EIF4G3: variants seen among roughly 807,000 people sequenced by gnomAD.
EIF4G3 encodes the protein eukaryotic translation initiation factor 4 gamma 3.
A neutral mutation model predicts 186.4 loss-of-function variants in EIF4G3; 34 were observed. The ratio of observed to expected loss-of-function variants is 0.18; its 90% confidence interval spans 0.14 to 0.24. The LOEUF is 0.24. Among genes scored for constraint, EIF4G3 ranks in the 10% least tolerant of loss-of-function variants. The pLI is 1.00. For synonymous variants in EIF4G3, 673 were observed against 679.5 expected (o/e 0.99, Z 0.15); for missense variants, 1,536 against 1,948.5 (o/e 0.79, Z 3.99).
At chr1:20,948,316 A>G (rs2096059388) in intron 13 of EIF4G3, among the ~76,000 whole-genome samples, 1 of 152,206 alleles carries the variant, frequency 6.6e-6, no homozygotes, top group Non-Finnish European at 1.5e-5. Context: ...CGCAAGGTAA[A>G]TGGCTTTACT....
chr1:20,879,673 TA>T (rs1227070032), intron 19 of EIF4G3, among the ~76,000 whole-genome samples, 153 bp from the exon 20 acceptor site: 1 of 152,182 alleles, frequency 6.6e-6, no homozygotes, highest in African/African-American at 2.4e-5. Flanking sequence ...TAAACTAATC[TA>T]TTTTAACAAA....
intron 13 of EIF4G3, among the ~76,000 whole-genome samples, chr1:20,944,045 T>TGTGTGTGTGTGTGTGTGTGTGTGTG (rs1330741119): frequency 6.9e-6 from 1 of 143,970 alleles, no homozygotes; most frequent in African/African-American, 2.6e-5. Context: ...TGTGTGTATG[T>TGTGTGTGTGTGTGTGTGTGTGTGTG]TCGTTCTAGA....
At chr1:21,101,590 C>CAAAAAAAAAAAAAAAAG in intron 2 of EIF4G3, among the ~76,000 whole-genome samples, 1 of 17,854 alleles carries the variant, frequency 5.6e-5, no homozygotes, top group Non-Finnish European at 1.5e-4. Flanking sequence ...AAAAAAAAAC[C>CAAAAAAAAAAAAAAAAG]GAGGGAGGGA....
At position 20,860,666 on chromosome 1, in the gene EIF4G3, T is replaced by C. The variant is rs1020871972; in HGVS notation, c.3112-149A>G. The C allele has an allele frequency of 6.4e-6, 6 of 933,298 alleles. No homozygotes were observed. The East Asian group carries it at 1.1e-4, about 16-fold the overall frequency. 57.8% of individuals were successfully genotyped at this position (933,298 alleles called of 1,614,324 possible). ...CTCATGTATCTTATAGATGACACTA[T>C]GAGCAGTTTAGGATTAGAGCTGAAG... On this transcript the variant is annotated intron_variant, in intron 23 of 36. Coordinates refer to ENST00000602326, the MANE Select transcript of EIF4G3 (RefSeq NM_001391906.1).
At chr1:21,089,513 A>T (rs994089939) in intron 2 of EIF4G3, among the ~76,000 whole-genome samples, 1 of 152,264 alleles carries the variant, frequency 6.6e-6, no homozygotes, top group Non-Finnish European at 1.5e-5. Context: ...TGTACTAAAA[A>T]TAACTGGCTG....
At chr1:21,111,231 A>G (rs1241122224) in intron 2 of EIF4G3, 1 of 454,128 alleles carries the variant, frequency 2.2e-6, no homozygotes. Context: ...CACATTCCTG[A>G]GTACTAACAA....
chr1:21,072,369 A>G (rs186438510), intron 3 of EIF4G3, among the ~76,000 whole-genome samples: 39 of 152,270 alleles, frequency 2.6e-4, no homozygotes. Context: ...TCCCATGTCT[A>G]TACAGAAAAA....
chr1:20,912,900 T>A (rs2093415419), intron 14 of EIF4G3, among the ~76,000 whole-genome samples: 1 of 152,162 alleles, frequency 6.6e-6, no homozygotes, highest in Non-Finnish European at 1.5e-5. Flanking sequence ...TAGGAAAATA[T>A]GATGATTTAT....
At chr1:20,862,714 A>G (rs1188454004) in intron 22 of EIF4G3, among the ~76,000 whole-genome samples, 1 of 152,170 alleles carries the variant, frequency 6.6e-6, no homozygotes, top group African/African-American at 2.4e-5. Context: ...CGTCCAGCCC[A>G]TGTAGTTTTC....
At chr1:20,999,770 G>C (rs1306849811) in intron 6 of EIF4G3, 1 of 445,392 alleles carries the variant, frequency 2.2e-6, no homozygotes, top group Non-Finnish European at 4.5e-6. Context: ...TAATCCTATG[G>C]GTAGCTGTAA....
At chr1:21,001,784 C>T (rs1024081886) in intron 5 of EIF4G3, among the ~76,000 whole-genome samples, 1 of 152,178 alleles carries the variant, frequency 6.6e-6, no homozygotes, top group African/African-American at 2.4e-5. Flanking sequence ...TTGGTGCAGT[C>T]TATGCTCTCC....
At chr1:20,950,523 A>T (rs1430795688) in intron 12 of EIF4G3, among the ~76,000 whole-genome samples, 1 of 152,200 alleles carries the variant, frequency 6.6e-6, no homozygotes, top group Non-Finnish European at 1.5e-5. Flanking sequence ...TACCTAGCAA[A>T]GCAGGACAAA....
chr1:21,061,352 G>A (rs2094903410), intron 3 of EIF4G3, among the ~76,000 whole-genome samples: 2 of 152,124 alleles, frequency 1.3e-5, no homozygotes, highest in South Asian at 4.1e-4. Context: ...TTTGGATCGG[G>A]ATGTTCAACC....
At chr1:21,100,021 A>T (rs2096481113) in intron 2 of EIF4G3, among the ~76,000 whole-genome samples, 1 of 152,242 alleles carries the variant, frequency 6.6e-6, no homozygotes, top group African/African-American at 2.4e-5. Flanking sequence ...ATGGAATTTT[A>T]TTTGGCAATA....
In EIF4G3 at chr1:21,082,875, A is replaced by C. The variant is rs566508679; in HGVS notation, c.-196+6263T>G. 6.6e-5 allele frequency among the ~76,000 whole-genome samples: 10 copies of C among 151,478 alleles called. No homozygotes were observed. The South Asian group carries it at 2.1e-3, about 32-fold the overall frequency. ...AACACGGTGAAACCCCGTTTCTACT[A>C]AAAATACAAAAAATTAGCCGGGCGT... is the stretch of plus-strand genomic sequence containing the variant. On this transcript the variant is annotated intron_variant, in intron 3 of 36. Transcript: ENST00000602326.
At chr1:20,841,398 A>G (rs1174005822) in intron 29 of EIF4G3, 1 of 155,668 alleles carries the variant, frequency 6.4e-6, no homozygotes, top group African/African-American at 2.4e-5. Context: ...GGGTGAGTCA[A>G]ATGTATTTTT....
Position 20,833,219 on chromosome 1 carries a change from G to A in EIF4G3, c.4062-3947C>T, listed in dbSNP as rs1376135133. Among the ~76,000 whole-genome samples, 639 of 147,198 alleles carry A rather than the reference G, an allele frequency of 4.3e-3. 1 individual carries two copies. Among genetic ancestry groups the A allele is most frequent in the African/African-American group, 0.015 (606 of 39,974 alleles). ...CCTTGGGCAGTATGGCCATTTTCAC[G>A]ATATTGATTCTTCCTACCCATGAGC... On this transcript the variant is annotated intron_variant, in intron 30 of 36. Transcript: ENST00000602326.
chr1:20,901,353 C>G (rs1240934188), intron 15 of EIF4G3, among the ~76,000 whole-genome samples: 6 of 152,046 alleles, frequency 3.9e-5, no homozygotes, highest in Non-Finnish European at 7.4e-5. Context: ...ATAATACCAT[C>G]TCATAATTAA....
At chr1:21,094,539 CAT>C (rs968049904) in intron 2 of EIF4G3, among the ~76,000 whole-genome samples, 10 of 149,318 alleles carry the variant, frequency 6.7e-5, no homozygotes, top group Non-Finnish European at 1.2e-4. Context: ...CCAAACACCA[CAT>C]GTTCTCACTC....
Sources: gnomAD v4.1 joint callset for allele counts (sites outside exome capture counted in the v4.1 genomes callset) on GRCh38, gnomAD v4.1.1 for gene constraint, MANE v1.5 for transcripts, NCBI Gene and HGNC (gene_info 2026-07-23, HGNC 2026-07-21) for gene names.